Variants in ABI2 observed in about 807,000 individuals in gnomAD.
The protein encoded by ABI2 is abl interactor 2, also known as abelson interactor 2.
Under a neutral mutation model 59.2 loss-of-function variants are expected in ABI2, and 25 were observed. The ratio of observed to expected loss-of-function variants is 0.42; its 90% CI spans 0.31 to 0.59. ABI2 has a LOEUF of 0.59. Among genes scored for constraint, ABI2 ranks in the 20% least tolerant of loss-of-function variants. The probability of loss-of-function intolerance (pLI) is 0.14; values close to 1 mark genes in which losing one functional copy is unlikely to be tolerated. For missense variants in ABI2, 545 were observed against 681.8 expected (o/e 0.80, Z 2.23); for synonymous variants, 213 against 235.5 (o/e 0.90, Z 0.87).
intron 1 of ABI2, among the ~76,000 whole-genome samples, chr2:203,361,751 G>A (rs2093544833): frequency 6.6e-6 from 1 of 152,104 alleles, no homozygotes; most frequent in African/African-American, 2.4e-5. Flanking sequence ...ATTTAAAAGG[G>A]CCATTAACAT....
intron 9 of ABI2, among the ~76,000 whole-genome samples, chr2:203,404,930 T>G (rs905517197): frequency 2.0e-5 from 3 of 152,212 alleles, no homozygotes; most frequent in African/African-American, 7.2e-5. Flanking sequence ...TAGGTAGAAT[T>G]TATTTGAAGG....
intron 9 of ABI2, among the ~76,000 whole-genome samples, chr2:203,407,149 C>G (rs1007489273): frequency 3.9e-5 from 6 of 152,138 alleles, no homozygotes; most frequent in East Asian, 3.8e-4. Context: ...ATATTCAGTT[C>G]TAATCCTAGT....
In ABI2 at chr2:203,429,691, A is replaced by G; in HGVS notation, c.*2339A>G. On this transcript the variant is annotated 3_prime_UTR_variant, in exon 12 of 12. Transcript: ENST00000261018. ...AGAATCACTGGAACCTGGGAGGCAG[A>G]GGTTGCAGTGAGCCGAGATTGTGCC... The G allele has an allele frequency of 6.7e-6, 1 of 148,470 alleles. No individual in the cohort carries two copies. The highest frequency in any genetic ancestry group is 2.5e-5 in the African/African-American group (1 of 40,074). The allele number at this position is 148,470 out of a possible 1,614,324, so 9.2% of individuals were successfully genotyped here.
At chr2:203,418,079 CAGAGA>C (rs1197931486) in intron 11 of ABI2, among the ~76,000 whole-genome samples, 1 of 151,764 alleles carries the variant, frequency 6.6e-6, no homozygotes, top group Non-Finnish European at 1.5e-5. Context: ...AAATAAGGCA[CAGAGA>C]AGAAAGTGGA....
intron 11 of ABI2, among the ~76,000 whole-genome samples, chr2:203,420,480 G>C (rs1427988632): frequency 6.7e-6 from 1 of 149,550 alleles, no homozygotes; most frequent in East Asian, 2.0e-4. Context: ...TGCAAGCTCT[G>C]CCTCCCAGGT....
intron 1 of ABI2, among the ~76,000 whole-genome samples, chr2:203,355,646 A>G (rs908176967): frequency 6.6e-5 from 10 of 151,936 alleles, no homozygotes; most frequent in African/African-American, 2.4e-4. Context: ...CCTGATCAAC[A>G]TGGAGAAACC....
chr2:203,394,170 G>GATAT (rs1342293653), intron 5 of ABI2, among the ~76,000 whole-genome samples: 1 of 152,144 alleles, frequency 6.6e-6, no homozygotes, highest in African/African-American at 2.4e-5. Context: ...TTTGTATATA[G>GATAT]ATATACTTTA....
At chr2:203,392,290 C>CCAT (rs2096775451) in intron 5 of ABI2, among the ~76,000 whole-genome samples, 2 of 89,822 alleles carry the variant, frequency 2.2e-5, no homozygotes, top group Admixed American at 1.2e-4. Context: ...ACCACCACCA[C>CCAT]CACCACCACC....
chr2:203,400,427 CATA>C (rs1337669868), intron 8 of ABI2, among the ~76,000 whole-genome samples: 10 of 152,248 alleles, frequency 6.6e-5, no homozygotes, highest in East Asian at 1.9e-4. Flanking sequence ...ATATAAAATT[CATA>C]ATGATGTTAA....
At chr2:203,420,771 T>C (rs888869651) in intron 11 of ABI2, among the ~76,000 whole-genome samples, 3 of 152,148 alleles carry the variant, frequency 2.0e-5, no homozygotes, top group Non-Finnish European at 4.4e-5. Flanking sequence ...AAAAAATGAA[T>C]AGTGCCATTA....
Position 203,413,518 on chromosome 2 carries a change from C to G in ABI2, c.1279+2147C>G, listed in dbSNP as rs112383847. Among the ~76,000 whole-genome samples, 122 of 152,308 alleles carry G rather than the reference C, an allele frequency of 8.0e-4. 1 individual carries two copies. Among genetic ancestry groups the G allele is most frequent in the Middle Eastern group, 3.4e-3 (1 of 294 alleles). On this transcript the variant is annotated intron_variant, in intron 10 of 11. Transcript: ENST00000261018. ...AAAAAGTCATTCCCTAATTTGACCA[C>G]CCTATCACAGTTGATTGCCTTTTGG...
At chr2:203,340,454 C>T (rs1053323831) in intron 1 of ABI2, among the ~76,000 whole-genome samples, 6 of 151,952 alleles carry the variant, frequency 3.9e-5, no homozygotes, top group Admixed American at 3.9e-4. Context: ...GCAGCCTCAC[C>T]TCCCCAGGCT....
intron 9 of ABI2, among the ~76,000 whole-genome samples, chr2:203,407,351 AATAT>A (rs992388807): frequency 2.6e-5 from 4 of 152,152 alleles, no homozygotes; most frequent in South Asian, 2.1e-4. Context: ...TGGGCTATAT[AATAT>A]ATATATCTCC....
intron 11 of ABI2, among the ~76,000 whole-genome samples, chr2:203,421,366 C>T (rs143156016): frequency 5.3e-5 from 8 of 152,208 alleles, no homozygotes; most frequent in Non-Finnish European, 7.4e-5. Flanking sequence ...AATCAAATAA[C>T]GTATCTTCAA....
chr2:203,360,184 C>CAAAAA (rs58857922), intron 1 of ABI2, among the ~76,000 whole-genome samples: 23 of 70,844 alleles, frequency 3.2e-4, no homozygotes, highest in East Asian at 4.1e-4. Context: ...GACTCCATCT[C>CAAAAA]AAAAAAAAAA....
At chr2:203,366,733 C>G (rs2094485816) in intron 1 of ABI2, 144 bp from the exon 2 acceptor site, 1 of 704,194 alleles carries the variant, frequency 1.4e-6, no homozygotes. Flanking sequence ...TTATGTGATA[C>G]CAGTAGTTTT....
At chr2:203,343,933 T>A (rs1049689661) in intron 1 of ABI2, among the ~76,000 whole-genome samples, 3 of 151,700 alleles carry the variant, frequency 2.0e-5, no homozygotes, top group Admixed American at 6.6e-5. Context: ...AGTTTGAGAC[T>A]AGCCTTGGCA....
chr2:203,407,839 T>C (rs1349839201), intron 9 of ABI2, among the ~76,000 whole-genome samples: 3 of 152,224 alleles, frequency 2.0e-5, no homozygotes, highest in Non-Finnish European at 4.4e-5. Context: ...AACAATTCTT[T>C]CCTCAAAATT....
At chr2:203,396,276 GAC>G (rs1162321106) in intron 7 of ABI2, among the ~76,000 whole-genome samples, 2 of 152,102 alleles carry the variant, frequency 1.3e-5, no homozygotes, top group Admixed American at 6.6e-5. Context: ...TTGAAAACGT[GAC>G]ACAAAATACA....
Sources: gnomAD v4.1 joint callset for allele counts (sites outside exome capture counted in the v4.1 genomes callset) on GRCh38, gnomAD v4.1.1 for gene constraint, MANE v1.5 for transcripts, NCBI Gene and HGNC (gene_info 2026-07-23, HGNC 2026-07-21) for gene names.